The following PUM1 variants were observed in gnomAD, a reference collection of about 807,000 sequenced individuals.
PUM1 encodes the protein pumilio RNA binding family member 1, also known as pumilio homolog 1.
Under a neutral mutation model 131.8 loss-of-function variants are expected in PUM1, and 13 were observed. That is an observed-to-expected ratio of 0.10 (90% CI 0.06 to 0.16). PUM1 has a LOEUF of 0.16. PUM1 is among the 10% of genes least tolerant of loss of function. The probability of loss-of-function intolerance (pLI) is 1.00; values close to 1 mark genes in which losing one functional copy is unlikely to be tolerated. For synonymous variants in PUM1, 509 were observed against 556.5 expected (o/e 0.91, Z 1.20); for missense variants, 961 against 1,512.4 (o/e 0.64, Z 6.05).
At position 31,045,967 on chromosome 1, in the gene PUM1, G is replaced by A. The variant is rs542443219; in HGVS notation, c.363+13237C>T. Reference sequence around the variant, plus strand: ...CGTGGTGGTGCATGCTTGTAATCCCGGCTACTCGGGAGCCTGAGGCAGGAG... The same window carrying A: ...CGTGGTGGTGCATGCTTGTAATCCCAGCTACTCGGGAGCCTGAGGCAGGAG... On this transcript the variant is annotated intron_variant, in intron 2 of 21. Transcript: ENST00000426105. 1.8e-4 allele frequency among the ~76,000 whole-genome samples: 27 copies of A among 152,068 alleles called. 1 individual carries two copies. The highest frequency in any genetic ancestry group is 5.1e-4 in the African/African-American group (21 of 41,492).
chr1:30,933,014 A>G lies in PUM1; in HGVS notation c.*197T>C. ...ATTAGTCAATTAAAAAAAATAGTAC[A>G]TGTTATGTGTAATAAAATTAAATTT... On this transcript the variant is annotated 3_prime_UTR_variant, in exon 22 of 22. Transcript: ENST00000426105. 1 of 579,626 alleles carries G rather than the reference A, an allele frequency of 1.7e-6. No homozygotes were observed. The highest frequency in any genetic ancestry group is 2.9e-6 in the Non-Finnish European group (1 of 348,214). The allele number at this position is 579,626 out of a possible 1,614,324, so 35.9% of individuals were successfully genotyped here.
intron 2 of PUM1, chr1:31,050,855 G>T: frequency 4.7e-6 from 1 of 214,228 alleles, no homozygotes; most frequent in South Asian, 6.3e-5. Flanking sequence ...TTGTCTCACT[G>T]CACTCCTGAG....
chr1:30,964,416 C>T (rs1311994342), intron 14 of PUM1, among the ~76,000 whole-genome samples: 1 of 152,156 alleles, frequency 6.6e-6, no homozygotes, highest in African/African-American at 2.4e-5. Context: ...AATACTCTCA[C>T]AGGTAGCCAA....
chr1:30,973,558 G>A (rs576651999), intron 10 of PUM1, among the ~76,000 whole-genome samples: 5 of 152,210 alleles, frequency 3.3e-5, no homozygotes, highest in South Asian at 2.1e-4. Flanking sequence ...ATAAAGTATC[G>A]TTTGGTGGAT....
chr1:30,978,458 C>T (rs1019529018), intron 9 of PUM1, among the ~76,000 whole-genome samples: 1 of 152,252 alleles, frequency 6.6e-6, no homozygotes, highest in African/African-American at 2.4e-5. Flanking sequence ...TGACCACGGA[C>T]AGCCAGATGA....
At chr1:30,979,115 A>G (rs532884658) in intron 9 of PUM1, among the ~76,000 whole-genome samples, 27 of 151,952 alleles carry the variant, frequency 1.8e-4, no homozygotes, top group African/African-American at 4.6e-4. Context: ...AAAAAAAAAA[A>G]AGAGAGAGAG....
intron 14 of PUM1, 79 bp downstream of exon 14, chr1:30,964,595 C>T: frequency 1.6e-6 from 2 of 1,288,598 alleles, no homozygotes; most frequent in Non-Finnish European, 2.2e-6. Context: ...CTGTCCTTTG[C>T]TTATGCAAAG....
In PUM1 at chr1:31,017,827, T is replaced by A. The variant is rs575290884; in HGVS notation, c.433-10725A>T. On this transcript the variant is annotated intron_variant, in intron 3 of 21. Coordinates refer to ENST00000426105, the MANE Select transcript of PUM1 (RefSeq NM_001020658.2). ...AAGCACCCCTAGGGCTCTAATCCAA[T>A]AGGCAACAGTAGTAACATTATAAAA... Among the ~76,000 whole-genome samples the A allele has an allele frequency of 7.9e-5, 12 of 152,246 alleles. No homozygotes were observed. The South Asian group carries it at 2.5e-3, about 32-fold the overall frequency.
intron 4 of PUM1, among the ~76,000 whole-genome samples, chr1:31,006,459 C>T (rs1642404970): frequency 6.6e-6 from 1 of 152,158 alleles, no homozygotes; most frequent in African/African-American, 2.4e-5. Flanking sequence ...ACGACATTGG[C>T]TTTTGGGTTT....
At chr1:30,954,012 C>T (rs770015352) in intron 14 of PUM1, 31 bp from the exon 15 acceptor site, 1 of 1,597,158 alleles carries the variant, frequency 6.3e-7, no homozygotes, top group Non-Finnish European at 8.6e-7. Context: ...TAACTTAAGA[C>T]CACTCTTCAG....
chr1:31,043,987 T>C (rs1462038329), intron 2 of PUM1, among the ~76,000 whole-genome samples: 1 of 151,980 alleles, frequency 6.6e-6, no homozygotes, highest in Non-Finnish European at 1.5e-5. Flanking sequence ...AGAAAAAAAC[T>C]TGAACACAAA....
intron 21 of PUM1, among the ~76,000 whole-genome samples, chr1:30,934,163 T>C (rs1639099342): frequency 6.6e-6 from 1 of 152,236 alleles, no homozygotes; most frequent in South Asian, 2.1e-4. Flanking sequence ...CAAGAAGTCC[T>C]ACATTCCAGA....
At chr1:30,973,690 G>A (rs1641021447) in intron 10 of PUM1, among the ~76,000 whole-genome samples, 1 of 151,910 alleles carries the variant, frequency 6.6e-6, no homozygotes, top group Admixed American at 6.6e-5. Context: ...TAAATAATAA[G>A]GCTAAAATAA....
intron 2 of PUM1, among the ~76,000 whole-genome samples, chr1:31,039,901 T>C (rs1051495061): frequency 6.7e-5 from 10 of 150,094 alleles, no homozygotes; most frequent in Middle Eastern, 3.9e-3. Context: ...AGCAAGACTC[T>C]ATCTCACAAG....
At chr1:31,008,107 A>C (rs551911045) in intron 3 of PUM1, among the ~76,000 whole-genome samples, 2 of 152,340 alleles carry the variant, frequency 1.3e-5, no homozygotes, top group East Asian at 3.9e-4. Context: ...GAAGAACACA[A>C]TAAAAAACCA....
chr1:30,954,760 G>A lies in PUM1; in HGVS notation c.2324-779C>T, dbSNP rs1329137347. On this transcript the variant is annotated intron_variant, in intron 14 of 21. Coordinates refer to ENST00000426105, the MANE Select transcript of PUM1 (RefSeq NM_001020658.2). The stretch of plus-strand genomic sequence containing the variant: ...AGATAAAACAAACATATGACCAAAA[G>A]GCGTATCAAAACATATAGCAGGCCA... Among the ~76,000 whole-genome samples the A allele has an allele frequency of 1.3e-5, 2 of 152,066 alleles. 1 individual carries two copies. Among genetic ancestry groups the A allele is most frequent in the East Asian group, 3.9e-4 (2 of 5,188 alleles).
At chr1:31,031,677 G>A (rs1209888839) in intron 2 of PUM1, among the ~76,000 whole-genome samples, 1 of 152,154 alleles carries the variant, frequency 6.6e-6, no homozygotes, top group Non-Finnish European at 1.5e-5. Context: ...TAAAACTGCT[G>A]TCAGTTTCTG....
At chr1:31,053,765 T>G (rs1415935069) in intron 2 of PUM1, among the ~76,000 whole-genome samples, 1 of 151,370 alleles carries the variant, frequency 6.6e-6, no homozygotes, top group Non-Finnish European at 1.5e-5. Context: ...TGTGAGCCAC[T>G]GCGTCCAGCC....
intron 6 of PUM1, 112 bp downstream of exon 6, chr1:30,994,942 T>C: frequency 1.7e-6 from 2 of 1,206,108 alleles, no homozygotes; most frequent in Non-Finnish European, 2.3e-6. Context: ...ATTGGATTCT[T>C]AAAAAGAAAA....
Sources: allele counts gnomAD v4.1 joint callset (sites outside exome capture counted in the v4.1 genomes callset), GRCh38; gene constraint gnomAD v4.1.1; transcripts MANE v1.5; gene names NCBI Gene and HGNC (gene_info 2026-07-23, HGNC 2026-07-21).